Variants in LRP1B observed in about 807,000 individuals in gnomAD.
LRP1B encodes LDL receptor related protein 1B.
Under a neutral mutation model 556.6 loss-of-function variants are expected in LRP1B, and 217 were observed. The ratio of observed to expected loss-of-function variants is 0.39; its 90% CI spans 0.35 to 0.44. The LOEUF is 0.44. LRP1B is among the 20% of genes least tolerant of loss of function. LRP1B has a pLI of 1.00. For synonymous variants in LRP1B, 2,047 were observed against 1,865.8 expected, an observed-to-expected ratio of 1.10 and a Z score of -2.50; for missense variants, 5,053 against 5,620.8, an observed-to-expected ratio of 0.90 and a Z score of 3.23.
chr2:140,683,614 T>C (rs1247957862), intron 41 of LRP1B: 1 of 697,938 alleles, frequency 1.4e-6, no homozygotes, highest in Non-Finnish European at 2.7e-6. Context: ...GGACAGTTTG[T>C]CCCTTCTCTC....
At chr2:140,762,522 C>T (rs1688962320) in intron 35 of LRP1B, among the ~76,000 whole-genome samples, 1 of 152,036 alleles carries the variant, frequency 6.6e-6, no homozygotes, top group African/African-American at 2.4e-5. Context: ...GTTTTCTAAT[C>T]CTCTTATGGG....
At chr2:141,818,765 T>G (rs1326411414) in intron 1 of LRP1B, among the ~76,000 whole-genome samples, 2 of 150,992 alleles carry the variant, frequency 1.3e-5, no homozygotes, top group Admixed American at 1.3e-4. Context: ...CTCGATCTCC[T>G]GACCTCGTGA....
At chr2:141,560,383 T>C (rs2105246034) in intron 2 of LRP1B, among the ~76,000 whole-genome samples, 1 of 151,884 alleles carries the variant, frequency 6.6e-6, no homozygotes, top group Admixed American at 6.6e-5. Context: ...ACCGCTGGAT[T>C]GCTTTTCCAA....
chr2:141,215,455 G>A (rs190419502), intron 6 of LRP1B, among the ~76,000 whole-genome samples: 85 of 152,326 alleles, frequency 5.6e-4, no homozygotes, highest in African/African-American at 2.0e-3. Flanking sequence ...AGTGACTTTG[G>A]AACTGGGTAA....
intron 3 of LRP1B, among the ~76,000 whole-genome samples, chr2:141,433,487 C>G (rs13386733): frequency 0.19 from 28,340 of 152,012 alleles, 3,500 homozygotes; most frequent in East Asian, 0.45. Flanking sequence ...AATTGTTGTA[C>G]TAAGTTCTCT....
intron 35 of LRP1B, among the ~76,000 whole-genome samples, chr2:140,749,187 C>T (rs1688483898): frequency 6.6e-6 from 1 of 151,892 alleles, no homozygotes; most frequent in Admixed American, 6.6e-5. Context: ...ACAAAAGAAG[C>T]TAGTTGTGGG....
intron 3 of LRP1B, among the ~76,000 whole-genome samples, chr2:141,279,782 G>C (rs540748442): frequency 3.2e-4 from 49 of 152,222 alleles, no homozygotes; most frequent in East Asian, 1.4e-3. Context: ...TTTTGGAGGG[G>C]AGGGATAATA....
At chr2:141,516,785 C>T (rs1267941322) in intron 2 of LRP1B, among the ~76,000 whole-genome samples, 2 of 150,864 alleles carry the variant, frequency 1.3e-5, no homozygotes, top group South Asian at 2.1e-4. Flanking sequence ...GCAACCTCCG[C>T]CTCCCAGGCT....
chr2:141,987,549 G>GTTTTTTTTTTTTTTTCTT (rs5834887), intron 1 of LRP1B, among the ~76,000 whole-genome samples: 2 of 139,982 alleles, frequency 1.4e-5, no homozygotes, highest in African/African-American at 2.6e-5. Context: ...GATTTAAGCT[G>GTTTTTTTTTTTTTTTCTT]TTTTTTTTTT....
At chr2:141,910,853 T>C (rs1699890777) in intron 1 of LRP1B, among the ~76,000 whole-genome samples, 1 of 152,092 alleles carries the variant, frequency 6.6e-6, no homozygotes, top group South Asian at 2.1e-4. Flanking sequence ...TCACTATCTG[T>C]AATATAACAT....
Position 141,638,881 on chromosome 2 carries a change from A to ATATG in LRP1B, c.206-158349_206-158348insCATA, listed in dbSNP as rs1402650517. ...TAGCCATATATATATATATATATAT[A>ATATG]TGTGTGTGTATGTGCGTGTGTGTGT... On this transcript the variant is annotated intron_variant, in intron 2 of 90. Transcript: ENST00000389484. 1.7e-3 allele frequency among the ~76,000 whole-genome samples: 16 copies of ATATG among 9,532 alleles called. 2 individuals carry two copies. The highest frequency in any genetic ancestry group is 5.2e-3 in the African/African-American group (12 of 2,320). The allele number at this position is 9,532 out of a possible 152,430, so 6.3% of individuals were successfully genotyped here.
At chr2:141,766,413 A>C (rs2105605939) in intron 2 of LRP1B, among the ~76,000 whole-genome samples, 1 of 152,278 alleles carries the variant, frequency 6.6e-6, no homozygotes, top group Middle Eastern at 3.4e-3. Context: ...CTGCATTTTC[A>C]AGGCTAGTAT....
chr2:140,350,907 C>T lies in LRP1B; in HGVS notation c.11782G>A (p.Val3928Ile), dbSNP rs1385534679. 2 of 1,610,854 alleles carry T rather than the reference C, an allele frequency of 1.2e-6. No homozygotes were observed. Among genetic ancestry groups the T allele is most frequent in the Non-Finnish European group, 8.5e-7 (1 of 1,177,660 alleles). ...ATAATCATATCTCTTTGATAATATA[C>T]ATCCATCCCTGTTATTCTTGAATTA... ...EHNSRITGMD[V>I]YYQRDMIIWS... Residue 3928 changes from valine to isoleucine, a missense_variant, in exon 77 of 91, where the codon GTA becomes ATA. Val to Ile is a conservative substitution (Grantham distance 29). Coordinates refer to ENST00000389484, the MANE Select transcript of LRP1B (RefSeq NM_018557.3).
chr2:141,600,459 T>C (rs1687685628), intron 2 of LRP1B, among the ~76,000 whole-genome samples: 1 of 152,126 alleles, frequency 6.6e-6, no homozygotes, highest in Non-Finnish European at 1.5e-5. Context: ...GTGGTAGAAC[T>C]GGGAAGAGGA....
chr2:140,286,253 T>C (rs1041996563), intron 84 of LRP1B, among the ~76,000 whole-genome samples: 14 of 151,812 alleles, frequency 9.2e-5, no homozygotes, highest in African/African-American at 2.9e-4. Context: ...AAGTTATAAA[T>C]TTTTATAAAT....
chr2:140,633,226 C>T lies in LRP1B; in HGVS notation c.6800-31587G>A, dbSNP rs78768064. Among the ~76,000 whole-genome samples, 199 of 152,078 alleles carry T rather than the reference C, an allele frequency of 1.3e-3. 2 individuals are homozygous for T. The East Asian group carries it at 0.027, about 21-fold the overall frequency. On this transcript the variant is annotated intron_variant, in intron 41 of 90. Coordinates refer to ENST00000389484, the MANE Select transcript of LRP1B (RefSeq NM_018557.3). ...TTAAACAACACACAACTAAGTAACA[C>T]GAGTCAAAGGAGAAGACTCAAGAGT...
Position 141,518,821 on chromosome 2 carries a change from G to A in LRP1B, c.206-38288C>T, listed in dbSNP as rs547373182. Among the ~76,000 whole-genome samples the A allele has an allele frequency of 7.2e-5, 11 of 152,166 alleles. No individual in the cohort carries two copies. In the East Asian group the frequency reaches 1.7e-3, roughly 24 times the overall value. On this transcript the variant is annotated intron_variant, in intron 2 of 90. Coordinates refer to ENST00000389484, the MANE Select transcript of LRP1B (RefSeq NM_018557.3). ...AAAAATTAGCCAGGTGTGGTGGCGG[G>A]CGCCTGTAATCCCAGCTACTTGGGA...
At chr2:142,014,888 C>T (rs891835880) in intron 1 of LRP1B, among the ~76,000 whole-genome samples, 2 of 152,014 alleles carry the variant, frequency 1.3e-5, no homozygotes, top group African/African-American at 4.8e-5. Flanking sequence ...TATTCACTGA[C>T]CCCTGGTGAA....
chr2:140,915,900 C>T (rs543310747), intron 21 of LRP1B, among the ~76,000 whole-genome samples: 1 of 151,484 alleles, frequency 6.6e-6, no homozygotes, highest in African/African-American at 2.4e-5. Flanking sequence ...AGGGGGCAGG[C>T]GCCTGTACTC....
Sources: allele counts gnomAD v4.1 joint callset (sites outside exome capture counted in the v4.1 genomes callset), GRCh38; gene constraint gnomAD v4.1.1; transcripts MANE v1.5; gene names NCBI Gene and HGNC (gene_info 2026-07-23, HGNC 2026-07-21).